The following CADM2 variants were observed in gnomAD, a reference collection of about 807,000 sequenced individuals.
CADM2 encodes immunoglobulin superfamily member 4D.
A neutral mutation model predicts 49.8 loss-of-function variants in CADM2; 12 were observed. The ratio of observed to expected loss-of-function variants is 0.24; its 90% CI spans 0.15 to 0.39. The LOEUF is 0.39. CADM2 is among the 10% of genes least tolerant of loss of function. The pLI, the probability that CADM2 is intolerant of heterozygous loss-of-function variation, is 1.00. For missense variants in CADM2, 378 were observed against 492.3 expected, an observed-to-expected ratio of 0.77 and a Z score of 2.20; for synonymous variants, 214 against 175.4, an observed-to-expected ratio of 1.22 and a Z score of -1.74.
At chr3:85,729,364 G>T (rs1413891731) in intron 2 of CADM2, among the ~76,000 whole-genome samples, 1 of 152,100 alleles carries the variant, frequency 6.6e-6, no homozygotes, top group East Asian at 1.9e-4. Context: ...ACAAAATAAA[G>T]AATGGGGCCA....
intron 3 of CADM2, among the ~76,000 whole-genome samples, chr3:85,856,369 T>A (rs2075318225): frequency 6.6e-6 from 1 of 152,202 alleles, no homozygotes; most frequent in African/African-American, 2.4e-5. Context: ...AAGTACTCTG[T>A]ACTTTTTCAT....
intron 3 of CADM2, among the ~76,000 whole-genome samples, chr3:85,880,740 A>G (rs1021022927): frequency 1.3e-5 from 2 of 152,174 alleles, no homozygotes; most frequent in African/African-American, 4.8e-5. Flanking sequence ...GTTTTCATCT[A>G]GTTTTCACAG....
intron 1 of CADM2, among the ~76,000 whole-genome samples, chr3:85,047,543 A>G (rs2035714665): frequency 6.6e-6 from 1 of 152,194 alleles, no homozygotes; most frequent in African/African-American, 2.4e-5. Flanking sequence ...AGAAGATCAC[A>G]AAAGGGAGTA....
At chr3:86,014,958 T>C in intron 8 of CADM2, 1 of 1,415,882 alleles carries the variant, frequency 7.1e-7, no homozygotes, top group African/African-American at 1.4e-5. Flanking sequence ...TAAAGCATAT[T>C]TAAGGAACAC....
chr3:85,816,450 A>G (rs1482321025), intron 3 of CADM2, among the ~76,000 whole-genome samples: 1 of 152,130 alleles, frequency 6.6e-6, no homozygotes, highest in African/African-American at 2.4e-5. Context: ...TTTATAATCT[A>G]CAATGTACAG....
chr3:85,243,748 G>A (rs1023534754), intron 1 of CADM2, among the ~76,000 whole-genome samples: 3 of 151,890 alleles, frequency 2.0e-5, no homozygotes, highest in African/African-American at 7.3e-5. Flanking sequence ...AACATTTCTA[G>A]CTTTATTCGA....
At chr3:85,827,162 C>T (rs1249489536) in intron 3 of CADM2, among the ~76,000 whole-genome samples, 4 of 151,848 alleles carry the variant, frequency 2.6e-5, no homozygotes, top group African/African-American at 9.7e-5. Context: ...CACTAGGTTT[C>T]ATTAAGATGA....
Position 85,510,200 on chromosome 3 carries a change from A to G in CADM2, c.62-216322A>G, listed in dbSNP as rs568182119. On this transcript the variant is annotated intron_variant, in intron 1 of 9. Coordinates refer to ENST00000383699, the MANE Select transcript of CADM2 (RefSeq NM_001167675.2). ...TCATGAATCTCCTTTATAAGGAGCT[A>G]TGTGTATCTAAGAATATTTTTTCCT... Among the ~76,000 whole-genome samples, 294 of 152,138 alleles carry G rather than the reference A, an allele frequency of 1.9e-3. 2 individuals are homozygous for G. Among genetic ancestry groups the G allele is most frequent in the African/African-American group, 6.7e-3 (280 of 41,558 alleles).
At chr3:85,109,631 G>T (rs2038377511) in intron 1 of CADM2, among the ~76,000 whole-genome samples, 3 of 151,898 alleles carry the variant, frequency 2.0e-5, no homozygotes, top group South Asian at 4.1e-4. Context: ...GAAAAGTAAA[G>T]AGAAAAGGAT....
At chr3:85,037,364 G>T (rs148469739) in intron 1 of CADM2, among the ~76,000 whole-genome samples, 166 of 152,254 alleles carry the variant, frequency 1.1e-3, no homozygotes, top group African/African-American at 3.8e-3. Context: ...AAGCCAATGT[G>T]TTACATCTGC....
At position 85,593,468 on chromosome 3, in the gene CADM2, A is replaced by G. The variant is rs141903394; in HGVS notation, c.62-133054A>G. ...TAGTACAGCAACCATTGCAAAATGT[A>G]TATCTGTGTTCTTAGCCTTTGTGAG... is the stretch of plus-strand genomic sequence containing the variant. On this transcript the variant is annotated intron_variant, in intron 1 of 9. Coordinates refer to ENST00000383699, the MANE Select transcript of CADM2 (RefSeq NM_001167675.2). Among the ~76,000 whole-genome samples, 387 of 152,132 alleles carry G rather than the reference A, an allele frequency of 2.5e-3. 5 individuals are homozygous for G. Among genetic ancestry groups the G allele is most frequent in the African/African-American group, 8.9e-3 (370 of 41,550 alleles).
At chr3:85,615,707 A>G (rs1309678607) in intron 1 of CADM2, among the ~76,000 whole-genome samples, 1 of 151,612 alleles carries the variant, frequency 6.6e-6, no homozygotes, top group African/African-American at 2.4e-5. Flanking sequence ...TGCAAATGAC[A>G]TGGATGCAAA....
chr3:85,933,594 A>G (rs1720858387), intron 6 of CADM2, among the ~76,000 whole-genome samples: 1 of 152,128 alleles, frequency 6.6e-6, no homozygotes, highest in Non-Finnish European at 1.5e-5. Context: ...ATTTATTGTG[A>G]GGAATTGTCC....
chr3:85,656,383 G>A (rs1024095483), intron 1 of CADM2, among the ~76,000 whole-genome samples: 15 of 152,042 alleles, frequency 9.9e-5, no homozygotes, highest in African/African-American at 3.4e-4. Context: ...TTGGGAGGCC[G>A]AGGCGGGCAG....
At chr3:85,269,665 T>C (rs1243701537) in intron 1 of CADM2, among the ~76,000 whole-genome samples, 2 of 151,382 alleles carry the variant, frequency 1.3e-5, no homozygotes, top group Non-Finnish European at 3.0e-5. Flanking sequence ...CTCCAGGACT[T>C]GTCTCTCAGA....
intron 3 of CADM2, among the ~76,000 whole-genome samples, chr3:85,880,164 C>G (rs1419815959): frequency 6.6e-6 from 1 of 152,080 alleles, no homozygotes; most frequent in African/African-American, 2.4e-5. Context: ...CTCTGGGTAT[C>G]GCAATTAACA....
intron 1 of CADM2, among the ~76,000 whole-genome samples, chr3:85,341,092 C>A (rs937104593): frequency 1.3e-5 from 2 of 151,504 alleles, no homozygotes; most frequent in African/African-American, 2.4e-5. Flanking sequence ...CTCTCTTACC[C>A]CAGTTTTTTC....
intron 1 of CADM2, among the ~76,000 whole-genome samples, chr3:85,634,350 G>A (rs770876334): frequency 6.6e-6 from 1 of 151,914 alleles, no homozygotes; most frequent in Non-Finnish European, 1.5e-5. Flanking sequence ...GTGGACTGAA[G>A]TATCTACTGA....
chr3:85,090,307 C>T (rs1175847900), intron 1 of CADM2, among the ~76,000 whole-genome samples: 1 of 151,962 alleles, frequency 6.6e-6, no homozygotes, highest in African/African-American at 2.4e-5. Context: ...ACCCGTTTCT[C>T]AATTTAGTTA....
Sources: allele counts gnomAD v4.1 joint callset (sites outside exome capture counted in the v4.1 genomes callset), GRCh38; gene constraint gnomAD v4.1.1; transcripts MANE v1.5; gene names NCBI Gene and HGNC (gene_info 2026-07-23, HGNC 2026-07-21).